OR7C1: variants seen among roughly 807,000 people sequenced by gnomAD.
OR7C1 encodes the protein olfactory receptor 7C1.
For missense variants in OR7C1, 324 were observed against 383.3 expected (o/e 0.85, Z 1.29); for synonymous variants, 152 against 160.7 (o/e 0.95, Z 0.41).
chr19:14,814,838 T>C (rs995574266), intron 1 of OR7C1, among the ~76,000 whole-genome samples: 1 of 152,212 alleles, frequency 6.6e-6, no homozygotes, highest in African/African-American at 2.4e-5. Flanking sequence ...CACCTCGTTA[T>C]ACCCCTTCCT....
chr19:14,820,603 G>A (rs190405292), intron 1 of OR7C1, among the ~76,000 whole-genome samples: 112 of 152,144 alleles, frequency 7.4e-4, no homozygotes, highest in Admixed American at 1.1e-3. Context: ...CTATGTAGAC[G>A]TACAACTTTT....
At chr19:14,833,732 T>C (rs73926689) in intron 1 of OR7C1, among the ~76,000 whole-genome samples, 89 of 152,296 alleles carry the variant, frequency 5.8e-4, no homozygotes, top group African/African-American at 2.1e-3. Context: ...CATAAGGCAA[T>C]CAAGATCTTG....
chr19:14,828,791 TGAGAACTTCTTCTATGAATTTGAGGA>T lies in OR7C1; in HGVS notation c.-623+6257_-623+6282del, dbSNP rs2044802298. On this transcript the variant is annotated intron_variant, in intron 1 of 4. Coordinates refer to ENST00000641666, the Ensembl canonical transcript of OR7C1. ...AAAAAAAAAAAAAAAAAAAAAAGAA[TGAGAACTTCTTCTATGAATTTGAGGA>T]ATATAAATTGAATGTTGACCATGTT... Among the ~76,000 whole-genome samples the T allele has an allele frequency of 9.9e-4, 110 of 110,956 alleles. 2 individuals are homozygous for T. The South Asian group carries it at 0.03, about 30-fold the overall frequency. The allele number at this position is 110,956 out of a possible 152,430, so 72.8% of individuals were successfully genotyped here.
At chr19:14,819,199 G>C (rs1220534687) in intron 1 of OR7C1, among the ~76,000 whole-genome samples, 1 of 151,534 alleles carries the variant, frequency 6.6e-6, no homozygotes, top group Non-Finnish European at 1.5e-5. Context: ...ACATGTGCAG[G>C]ATATGCAGGT....
Position 14,804,939 on chromosome 19 carries a change from A to G in OR7C1, c.-434-4175T>C, listed in dbSNP as rs142718272. On this transcript the variant is annotated intron_variant, in intron 2 of 4. Coordinates refer to ENST00000641666, the Ensembl canonical transcript of OR7C1. ...CAGGCTGGAGTGCAGTGGTGCAATC[A>G]TGACTCACTGTAGCCTTGACCTCCT... Among the ~76,000 whole-genome samples the G allele has an allele frequency of 1.1e-4, 17 of 151,300 alleles. No homozygotes were observed. The East Asian group carries it at 1.5e-3, about 14-fold the overall frequency.
In OR7C1 at chr19:14,799,601, CAA is replaced by C. The variant is rs1256689924; in HGVS notation, c.534_535del (p.Phe178LeufsTer2). 2 of 1,613,856 alleles carry C rather than the reference CAA, an allele frequency of 1.2e-6. No homozygotes were observed. Among genetic ancestry groups the C allele is most frequent in the Admixed American group, 1.7e-5 (1 of 59,984 alleles). On this transcript the variant is annotated frameshift_variant, in exon 5 of 5. Transcript: ENST00000641666. LOFTEE classifies it low-confidence loss of function (END_TRUNC). Reference sequence around the variant, plus strand: ...GAGCTTCAGGACTTCAAGTAGATCACAAAAAAAGTGTGGAATTTCCATTTCGG... The same window carrying C: ...GAGCTTCAGGACTTCAAGTAGATCACAAAAAGTGTGGAATTTCCATTTCGG...
chr19:14,807,679 G>A (rs1254976878), intron 2 of OR7C1, among the ~76,000 whole-genome samples: 1 of 151,858 alleles, frequency 6.6e-6, no homozygotes. Context: ...GGTGGATCAC[G>A]AGGTCAGGAG....
intron 1 of OR7C1, chr19:14,827,998 G>A: frequency 6.2e-7 from 1 of 1,614,192 alleles, no homozygotes; most frequent in Non-Finnish European, 8.5e-7. Context: ...ATGTTCATCA[G>A]CATTTTTGGA....
intron 1 of OR7C1, among the ~76,000 whole-genome samples, chr19:14,812,515 G>A (rs1229432164): frequency 2.6e-5 from 4 of 152,074 alleles, no homozygotes; most frequent in Admixed American, 6.6e-5. Context: ...CCCCTGTCAC[G>A]TACCCCCTGC....
chr19:14,822,029 A>G (rs2044743196), intron 1 of OR7C1, among the ~76,000 whole-genome samples: 1 of 152,242 alleles, frequency 6.6e-6, no homozygotes, highest in Non-Finnish European at 1.5e-5. Flanking sequence ...CACAAATGAC[A>G]GGATTTCCTT....
intron 1 of OR7C1, among the ~76,000 whole-genome samples, chr19:14,816,636 G>T (rs989329795): frequency 2.0e-5 from 3 of 152,104 alleles, no homozygotes; most frequent in African/African-American, 4.8e-5. Flanking sequence ...GAGGTTGTGG[G>T]ACTCAGATTG....
Position 14,799,650 on chromosome 19 carries a change from C to CA in OR7C1, c.486dup (p.Val163CysfsTer18). 6.2e-7 allele frequency: 1 copy of CA among 1,614,082 alleles called. No individual in the cohort carries two copies. Among genetic ancestry groups the CA allele is most frequent in the Non-Finnish European group, 8.5e-7 (1 of 1,180,026 alleles). On this transcript the variant is annotated frameshift_variant, in exon 5 of 5. Transcript: ENST00000641666. LOFTEE classifies it low-confidence loss of function (END_TRUNC). ...TCGGTGCAGAAGGACAGCCTCAAAA[C>CA]AGTCAAGGTCTCGAGCAGGGAACCC...
At chr19:14,831,675 C>T (rs1377003331) in intron 1 of OR7C1, among the ~76,000 whole-genome samples, 1 of 152,028 alleles carries the variant, frequency 6.6e-6, no homozygotes, top group Non-Finnish European at 1.5e-5. Context: ...GATCTCCTGA[C>T]CTCGTGATCC....
At chr19:14,820,472 G>T (rs1043723492) in intron 1 of OR7C1, among the ~76,000 whole-genome samples, 26 of 151,962 alleles carry the variant, frequency 1.7e-4, no homozygotes, top group Non-Finnish European at 3.5e-4. Context: ...CCTAGATGAC[G>T]GGTTGACAGG....
intron 1 of OR7C1, among the ~76,000 whole-genome samples, chr19:14,821,266 CAT>C (rs377110725): frequency 2.6e-5 from 4 of 151,992 alleles, no homozygotes; most frequent in African/African-American, 4.8e-5. Flanking sequence ...AAAAACAAAA[CAT>C]GTGTGGTCCA....
chr19:14,827,990 G>A, intron 1 of OR7C1: 1 of 1,614,210 alleles, frequency 6.2e-7, no homozygotes, highest in Non-Finnish European at 8.5e-7. Flanking sequence ...GTGTCTGGAT[G>A]TTCATCAGCA....
At chr19:14,822,351 C>G (rs1030939463) in intron 1 of OR7C1, among the ~76,000 whole-genome samples, 1 of 147,630 alleles carries the variant, frequency 6.8e-6, no homozygotes, top group Non-Finnish European at 1.5e-5. Flanking sequence ...TCTCCAGATC[C>G]TCATCAGCAC....
At position 14,803,405 on chromosome 19, in the gene OR7C1, CA is replaced by C. The variant is rs576836665; in HGVS notation, c.-434-2642del. Among the ~76,000 whole-genome samples, 136 of 151,470 alleles carry C rather than the reference CA, an allele frequency of 9.0e-4. 1 individual carries two copies. The highest frequency in any genetic ancestry group is 1.8e-3 in the Non-Finnish European group (119 of 67,948). ...TGCTCCATCCTAATCTTCTATTATG[CA>C]GATGGGGTCTTTGCGGGTCGCTGCC... is the stretch of plus-strand genomic sequence containing the variant. On this transcript the variant is annotated intron_variant, in intron 2 of 4. Transcript: ENST00000641666.
At chr19:14,800,012 T>G (rs2147643169) in exon 5 of OR7C1, 1 of 1,613,990 alleles carries the variant, frequency 6.2e-7, no homozygotes, top group African/African-American at 1.3e-5. Context: ...GATGAGCAGG[T>G]TCCCGGTGAA....
Sources: gnomAD v4.1 joint callset for allele counts (sites outside exome capture counted in the v4.1 genomes callset) on GRCh38, gnomAD v4.1.1 for gene constraint, MANE v1.5 for transcripts, NCBI Gene and HGNC (gene_info 2026-07-23, HGNC 2026-07-21) for gene names.